MGST1: variants seen among roughly 807,000 people sequenced by gnomAD.
MGST1 encodes glutathione S-transferase 12.
A neutral mutation model predicts 8.9 loss-of-function variants in MGST1; 5 were observed. The ratio of observed to expected loss-of-function variants is 0.56; its 90% CI spans 0.29 to 1.19. The LOEUF is 1.19. Among genes scored for constraint, MGST1 ranks in the 50% most tolerant of loss-of-function variants. The probability of loss-of-function intolerance (pLI) is 0.08; values close to 1 mark genes in which losing one functional copy is unlikely to be tolerated. For synonymous variants in MGST1, 54 were observed against 67.8 expected, an observed-to-expected ratio of 0.80 and a Z score of 1.00; for missense variants, 182 against 187.4, an observed-to-expected ratio of 0.97 and a Z score of 0.17.
chr12:16,539,172 G>A (rs991719665), intron 4 of MGST1, among the ~76,000 whole-genome samples: 2 of 152,084 alleles, frequency 1.3e-5, no homozygotes, highest in African/African-American at 4.8e-5. Flanking sequence ...AATATGGTGG[G>A]TTAGGGTAAC....
At chr12:16,505,155 A>G (rs974887303) in intron 4 of MGST1, among the ~76,000 whole-genome samples, 4 of 152,110 alleles carry the variant, frequency 2.6e-5, no homozygotes, top group African/African-American at 9.7e-5. Flanking sequence ...TTTGTGGATA[A>G]CTCTCACATC....
intron 1 of MGST1, among the ~76,000 whole-genome samples, chr12:16,386,990 T>A (rs1940509245): frequency 2.0e-5 from 3 of 152,190 alleles, no homozygotes; most frequent in Non-Finnish European, 4.4e-5. Context: ...TCATGTATTT[T>A]ACTTAATAAT....
At chr12:16,417,674 C>T (rs1940799007) in intron 1 of MGST1, among the ~76,000 whole-genome samples, 1 of 151,942 alleles carries the variant, frequency 6.6e-6, no homozygotes, top group Non-Finnish European at 1.5e-5. Flanking sequence ...GGGGTATGCT[C>T]AACAGTAAAG....
chr12:16,415,719 TTAG>T (rs1940782446), intron 1 of MGST1, among the ~76,000 whole-genome samples: 1 of 152,184 alleles, frequency 6.6e-6, no homozygotes, highest in Non-Finnish European at 1.5e-5. Context: ...CAGTAGGCTA[TTAG>T]TAGTTAAGTT....
At chr12:16,467,248 A>T (rs1391203015) in intron 4 of MGST1, among the ~76,000 whole-genome samples, 1 of 152,200 alleles carries the variant, frequency 6.6e-6, no homozygotes, top group Non-Finnish European at 1.5e-5. Flanking sequence ...GTAACAATTT[A>T]TTATACAAAA....
At chr12:16,430,931 A>G (rs573699177) in intron 1 of MGST1, among the ~76,000 whole-genome samples, 3 of 152,328 alleles carry the variant, frequency 2.0e-5, no homozygotes, top group Admixed American at 1.3e-4. Flanking sequence ...GCTGTTTGAT[A>G]TACATTGAAA....
intron 4 of MGST1, among the ~76,000 whole-genome samples, chr12:16,443,862 T>C (rs906917036): frequency 6.6e-6 from 1 of 151,940 alleles, no homozygotes; most frequent in African/African-American, 2.4e-5. Context: ...CAGACAATGG[T>C]ACTGACTGAA....
chr12:16,527,212 A>G (rs951330437), intron 4 of MGST1, among the ~76,000 whole-genome samples: 7 of 152,042 alleles, frequency 4.6e-5, no homozygotes, highest in Non-Finnish European at 7.4e-5. Context: ...GTTTCTTTGC[A>G]TGTATTAAAT....
intron 4 of MGST1, among the ~76,000 whole-genome samples, chr12:16,522,704 A>G (rs528000696): frequency 1.2e-3 from 185 of 152,212 alleles, no homozygotes; most frequent in African/African-American, 4.2e-3. Context: ...TACTCCATCT[A>G]GTTCAATATT....
At chr12:16,467,137 G>A (rs1040312541) in intron 4 of MGST1, among the ~76,000 whole-genome samples, 19 of 152,204 alleles carry the variant, frequency 1.2e-4, no homozygotes, top group African/African-American at 4.6e-4. Context: ...CATGTAGTGT[G>A]ATTTTCACTA....
chr12:16,435,477 T>A (rs897137119), intron 1 of MGST1, among the ~76,000 whole-genome samples: 1 of 151,994 alleles, frequency 6.6e-6, no homozygotes, highest in Non-Finnish European at 1.5e-5. Flanking sequence ...ACATATATCA[T>A]TTCAATCAAA....
Position 16,385,479 on chromosome 12 carries a change from T to G in MGST1, n.778+1875T>G, listed in dbSNP as rs117367421. Reference sequence around the variant, plus strand: ...TTATTACACATAGAAATGGCAAAAATCAGTGGTTATATGCTTTCAATATTT... The same window carrying G: ...TTATTACACATAGAAATGGCAAAAAGCAGTGGTTATATGCTTTCAATATTT... On this transcript the variant is annotated intron_variant and non_coding_transcript_variant, in intron 1 of 1. Transcript: ENST00000359720. Among the ~76,000 whole-genome samples the G allele has an allele frequency of 1.2e-3, 181 of 152,302 alleles. 3 individuals are homozygous for G. The East Asian group carries it at 0.029, about 25-fold the overall frequency.
In MGST1 at chr12:16,544,221, TACACACACACACAC is replaced by T. The variant is rs3029719; in HGVS notation, n.483-45277_483-45264del. ...TTAAATTGACACCTTAAGTAAGAAC[TACACACACACACAC>T]ACACACACACACACACACACACACA... is the stretch of plus-strand genomic sequence containing the variant. On this transcript the variant is annotated intron_variant and non_coding_transcript_variant, in intron 4 of 4. Transcript: ENST00000538857. The surrounding 1 kb of genome is among the most constrained non-coding windows in gnomAD (Gnocchi z 4.8). Among the ~76,000 whole-genome samples the T allele has an allele frequency of 2.3e-3, 315 of 138,878 alleles. No individual in the cohort carries two copies. The highest frequency in any genetic ancestry group is 5.8e-3 in the East Asian group (28 of 4,846). 91.1% of individuals were successfully genotyped at this position (138,878 alleles called of 152,430 possible). A position where few individuals can be genotyped will look rare whatever the true frequency, so the allele number is the denominator to read the frequency against.
At chr12:16,427,977 A>C (rs1940904605) in intron 1 of MGST1, among the ~76,000 whole-genome samples, 1 of 151,546 alleles carries the variant, frequency 6.6e-6, no homozygotes, top group Non-Finnish European at 1.5e-5. Flanking sequence ...CATTGTTTTT[A>C]TTCTCTTTTG....
At chr12:16,486,811 A>G (rs941600400) in intron 4 of MGST1, among the ~76,000 whole-genome samples, 4 of 152,188 alleles carry the variant, frequency 2.6e-5, no homozygotes, top group Non-Finnish European at 4.4e-5. Context: ...TTCAGCAGGA[A>G]AAGGACTGGT....
At chr12:16,523,809 CAACTCCAAG>C in intron 4 of MGST1, among the ~76,000 whole-genome samples, 1 of 152,100 alleles carries the variant, frequency 6.6e-6, no homozygotes, top group Non-Finnish European at 1.5e-5. Context: ...ACTATGAACA[CAACTCCAAG>C]AGAAGAGATC....
intron 1 of MGST1, among the ~76,000 whole-genome samples, chr12:16,434,251 A>G (rs10744123): frequency 0.64 from 97,512 of 151,906 alleles, 31,499 homozygotes; most frequent in East Asian, 0.81. Context: ...AGAAATTGTG[A>G]AACACTATGC....
intron 1 of MGST1, among the ~76,000 whole-genome samples, chr12:16,348,102 TG>T: frequency 6.6e-6 from 1 of 152,138 alleles, no homozygotes; most frequent in Non-Finnish European, 1.5e-5. Context: ...TCCCCAAGAG[TG>T]CAAAAGCCTG....
At chr12:16,399,442 C>T (rs1470783785) in intron 1 of MGST1, 16 of 1,544,654 alleles carry the variant, frequency 1.0e-5, no homozygotes, top group African/African-American at 1.4e-5. Flanking sequence ...GCTTTTCGGG[C>T]TTCTTCCTCC....
Sources: gnomAD v4.1 joint callset for allele counts (sites outside exome capture counted in the v4.1 genomes callset) on GRCh38, gnomAD v4.1.1 for gene constraint, Gnocchi (gnomAD v3.1) non-coding constraint, MANE v1.5 for transcripts, NCBI Gene and HGNC (gene_info 2026-07-23, HGNC 2026-07-21) for gene names.